FER: variants seen among roughly 807,000 people sequenced by gnomAD.
The protein encoded by FER is FER tyrosine kinase.
FER carries 63 observed loss-of-function variants against 111.0 expected under a neutral mutation model. The observed-to-expected ratio is 0.57, with a 90% confidence interval of 0.46 to 0.70. The LOEUF (loss-of-function observed/expected upper bound fraction) is 0.70, where lower values mean the gene tolerates loss of function less well. Among genes scored for constraint, FER ranks in the 30% least tolerant of loss-of-function variants. The pLI, the probability that FER is intolerant of heterozygous loss-of-function variation, is 0.00. For synonymous variants in FER, 327 were observed against 313.9 expected (o/e 1.04, Z -0.44); for missense variants, 914 against 954.0 (o/e 0.96, Z 0.55).
At chr5:108,996,232 G>C (rs1763962427) in intron 13 of FER, among the ~76,000 whole-genome samples, 2 of 152,114 alleles carry the variant, frequency 1.3e-5, no homozygotes, top group African/African-American at 2.4e-5. Flanking sequence ...TCTGATGATA[G>C]TTTCTTTTGC....
At chr5:109,033,800 C>T (rs988744157) in intron 13 of FER, among the ~76,000 whole-genome samples, 1 of 152,078 alleles carries the variant, frequency 6.6e-6, no homozygotes, top group African/African-American at 2.4e-5. Context: ...TTATCCCTGC[C>T]TCTTACAGGC....
chr5:108,814,154 A>G (rs1758041077), intron 3 of FER, among the ~76,000 whole-genome samples: 1 of 152,132 alleles, frequency 6.6e-6, no homozygotes, highest in African/African-American at 2.4e-5. Context: ...TATTTCATTT[A>G]TTTAATAGTT....
At chr5:108,883,547 A>G in intron 9 of FER, 29 bp downstream of exon 9, 2 of 1,530,276 alleles carry the variant, frequency 1.3e-6, no homozygotes, top group Non-Finnish European at 1.8e-6. Context: ...ATTTGAAGGA[A>G]GAATGTTTAA....
intron 17 of FER, among the ~76,000 whole-genome samples, chr5:109,110,600 C>T (rs1204363147): frequency 6.6e-6 from 1 of 151,992 alleles, no homozygotes; most frequent in East Asian, 1.9e-4. Context: ...GCAATTTGAT[C>T]TGTTCCAGGT....
chr5:109,022,902 A>G (rs1768121007), intron 13 of FER, among the ~76,000 whole-genome samples: 1 of 152,162 alleles, frequency 6.6e-6, no homozygotes, highest in Non-Finnish European at 1.5e-5. Context: ...GGACTAGATT[A>G]TGCCCTATTA....
At chr5:109,159,728 A>G (rs78002420) in intron 17 of FER, among the ~76,000 whole-genome samples, 1 of 152,288 alleles carries the variant, frequency 6.6e-6, no homozygotes, top group African/African-American at 2.4e-5. Context: ...TACTTGGAAA[A>G]ATACTTCAGG....
At chr5:108,969,292 TA>T (rs926153795) in intron 13 of FER, among the ~76,000 whole-genome samples, 1 of 152,168 alleles carries the variant, frequency 6.6e-6, no homozygotes, top group Non-Finnish European at 1.5e-5. Context: ...TTTTCACCAT[TA>T]GGGGCTAGTT....
intron 2 of FER, chr5:108,785,268 A>G: frequency 1.8e-6 from 1 of 551,746 alleles, no homozygotes; most frequent in South Asian, 1.8e-5. Flanking sequence ...TGGGATCTCA[A>G]CGAAGGCAAA....
intron 16 of FER, among the ~76,000 whole-genome samples, chr5:109,087,288 G>A (rs1404579236): frequency 6.6e-6 from 1 of 151,608 alleles, no homozygotes; most frequent in African/African-American, 2.4e-5. Context: ...TTGTTTAATT[G>A]CCATGCACAT....
At chr5:109,110,753 C>T (rs796324719) in intron 17 of FER, among the ~76,000 whole-genome samples, 40 of 152,174 alleles carry the variant, frequency 2.6e-4, no homozygotes, top group African/African-American at 8.9e-4. Flanking sequence ...CACCCATTAA[C>T]TCGTCATTTA....
intron 13 of FER, among the ~76,000 whole-genome samples, chr5:108,985,315 T>TTACA (rs1248507177): frequency 6.6e-6 from 1 of 152,236 alleles, no homozygotes; most frequent in Non-Finnish European, 1.5e-5. Flanking sequence ...GATGATATCT[T>TTACA]TACAGTAAAT....
rs552374201 is a variant in FER at position 108,906,242 on chromosome 5, A to G, written c.1236+8394A>G. 3.9e-5 allele frequency among the ~76,000 whole-genome samples: 6 copies of G among 152,360 alleles called. No individual in the cohort carries two copies. In the East Asian group the frequency reaches 1.2e-3, roughly 29 times the overall value. ...CTAATATTTGATTATTTGATGAAACATCACAGAAACAATAATAAGTTAATG... is the reference window on the plus strand; with the variant it reads ...CTAATATTTGATTATTTGATGAAACGTCACAGAAACAATAATAAGTTAATG... On this transcript the variant is annotated intron_variant, in intron 10 of 19. Coordinates refer to ENST00000281092, the MANE Select transcript of FER (RefSeq NM_005246.4).
chr5:109,032,173 T>G (rs1391647467), intron 13 of FER, among the ~76,000 whole-genome samples: 1 of 152,192 alleles, frequency 6.6e-6, no homozygotes, highest in Non-Finnish European at 1.5e-5. Flanking sequence ...GACTGCTGCA[T>G]GGCAGACTGA....
chr5:108,870,438 C>A (rs1034784540), intron 6 of FER, among the ~76,000 whole-genome samples: 1 of 152,084 alleles, frequency 6.6e-6, no homozygotes, highest in Non-Finnish European at 1.5e-5. Flanking sequence ...CTGACTAAAT[C>A]TGTATTAAAT....
At chr5:108,798,455 C>G in intron 3 of FER, 66 bp downstream of exon 3, 1 of 1,211,540 alleles carries the variant, frequency 8.3e-7, no homozygotes, top group South Asian at 1.4e-5. Context: ...TGCAATAGCT[C>G]AAACTATTGA....
intron 3 of FER, among the ~76,000 whole-genome samples, chr5:108,832,420 C>G (rs1180292020): frequency 6.6e-6 from 1 of 152,026 alleles, no homozygotes; most frequent in African/African-American, 2.4e-5. Flanking sequence ...GAACTGAAGA[C>G]CATAGTGGGA....
intron 2 of FER, among the ~76,000 whole-genome samples, chr5:108,777,166 T>C (rs1489709030): frequency 6.6e-6 from 1 of 152,234 alleles, no homozygotes; most frequent in Non-Finnish European, 1.5e-5. Flanking sequence ...GGAAAGATCT[T>C]TATAGTTATA....
intron 3 of FER, among the ~76,000 whole-genome samples, chr5:108,821,052 T>C (rs973906156): frequency 2.6e-5 from 4 of 152,152 alleles, no homozygotes; most frequent in Admixed American, 2.0e-4. Flanking sequence ...GTGGAAAGTA[T>C]AGTGAGCCAG....
intron 5 of FER, among the ~76,000 whole-genome samples, chr5:108,846,749 A>AT (rs1236375195): frequency 2.0e-5 from 3 of 151,678 alleles, no homozygotes; most frequent in Non-Finnish European, 2.9e-5. Flanking sequence ...CGCCCGGCTA[A>AT]TTTTTTTGTA....
Sources: allele counts gnomAD v4.1 joint callset (sites outside exome capture counted in the v4.1 genomes callset), GRCh38; gene constraint gnomAD v4.1.1; transcripts MANE v1.5; gene names NCBI Gene and HGNC (gene_info 2026-07-23, HGNC 2026-07-21).